Variants in MYO5A observed in about 807,000 individuals in gnomAD.
MYO5A encodes myosin VA.
MYO5A carries 98 observed loss-of-function variants against 249.7 expected under a neutral mutation model. The observed-to-expected ratio is 0.39, with a 90% CI of 0.33 to 0.46. MYO5A has a LOEUF of 0.46. Ranked by LOEUF, MYO5A falls within the 20% of genes least tolerant of loss-of-function variation. The pLI is 0.98. For missense variants in MYO5A, 1,696 were observed against 2,308.8 expected (o/e 0.73, Z 5.44); for synonymous variants, 778 against 810.6 (o/e 0.96, Z 0.68).
At chr15:52,329,384 G>C (rs1380939893) in intron 35 of MYO5A, among the ~76,000 whole-genome samples, 2 of 152,190 alleles carry the variant, frequency 1.3e-5, no homozygotes, top group African/African-American at 2.4e-5. Context: ...GCTGTGCAAA[G>C]GCTGAAAGGA....
chr15:52,512,796 T>C (rs1033041258), intron 1 of MYO5A, among the ~76,000 whole-genome samples: 16 of 152,138 alleles, frequency 1.1e-4, no homozygotes, highest in African/African-American at 3.9e-4. Context: ...CAATTATGTT[T>C]TAATATAAGT....
At chr15:52,341,571 A>T (rs777976872) in intron 31 of MYO5A, among the ~76,000 whole-genome samples, 45 of 152,234 alleles carry the variant, frequency 3.0e-4, no homozygotes, top group Non-Finnish European at 3.2e-4. Context: ...GTGAAGAAAG[A>T]AAAGACATTC....
chr15:52,338,183 C>T (rs1451346044), intron 32 of MYO5A, among the ~76,000 whole-genome samples: 1 of 151,324 alleles, frequency 6.6e-6, no homozygotes, highest in Non-Finnish European at 1.5e-5. Context: ...TGCCTTTTTA[C>T]TCCCAGCCTC....
intron 35 of MYO5A, among the ~76,000 whole-genome samples, chr15:52,328,628 T>A (rs1173333625): frequency 6.6e-6 from 1 of 152,222 alleles, no homozygotes; most frequent in Non-Finnish European, 1.5e-5. Context: ...CAGTACTGCA[T>A]TTTCCATACA....
In MYO5A at chr15:52,370,302, G is replaced by C. The variant is rs1005760412; in HGVS notation, c.2933C>G (p.Ala978Gly). Reference protein sequence around the residue: ...LERLQLSEEEAKVATGRVLSL... With the variant: ...LERLQLSEEEGKVATGRVLSL... ...AAGGACCCGCCCAGTGGCAACTTTC[G>C]CTTCCTCTTCACTTAGTTGAAGACG... Residue 978 changes from alanine (A) to glycine (G), a missense_variant, in exon 22 of 42, where the codon GCG (alanine) becomes GGG (glycine). Around this residue, in one of 5 missense-constraint regions of MYO5A, gnomAD observed 412 missense variants for 453.3 expected, o/e 0.91. Coordinates refer to ENST00000399233, the MANE Select transcript of MYO5A (RefSeq NM_001382347.1). 2 of 1,614,056 alleles carry C rather than the reference G, an allele frequency of 1.2e-6. No homozygotes were observed. The highest frequency in any genetic ancestry group is 8.5e-7 in the Non-Finnish European group (1 of 1,179,992).
At chr15:52,463,995 TAGAC>T (rs755461910) in intron 1 of MYO5A, among the ~76,000 whole-genome samples, 3 of 152,242 alleles carry the variant, frequency 2.0e-5, no homozygotes, top group Non-Finnish European at 4.4e-5. Context: ...GCTCTGGAGT[TAGAC>T]AGATCCAGAA....
chr15:52,371,088 G>A (rs1408113798), intron 21 of MYO5A, among the ~76,000 whole-genome samples: 1 of 151,672 alleles, frequency 6.6e-6, no homozygotes, highest in Non-Finnish European at 1.5e-5. Context: ...ACTTTAGCCT[G>A]GGTGACAGGG....
chr15:52,340,438 A>C lies in MYO5A; in HGVS notation c.4041-44T>G, dbSNP rs1372498787. ...GGTCGGAAGGGGAGACGACACCCCG[A>C]GTTGCTGCCTAACGGGTGTAAGGCA... On this transcript the variant is annotated intron_variant, in intron 31 of 41. Transcript: ENST00000399233. 7.0e-6 allele frequency: 11 copies of C among 1,571,492 alleles called. No individual in the cohort carries two copies. In the East Asian group the frequency reaches 2.5e-4, roughly 35 times the overall value.
At chr15:52,384,919 GA>G (rs963779748) in intron 14 of MYO5A, among the ~76,000 whole-genome samples, 3 of 151,880 alleles carry the variant, frequency 2.0e-5, no homozygotes, top group Non-Finnish European at 4.4e-5. Context: ...TCGGGTTACA[GA>G]AAAAAAAGTT....
At chr15:52,413,958 G>A (rs2043360445) in intron 5 of MYO5A, among the ~76,000 whole-genome samples, 1 of 152,116 alleles carries the variant, frequency 6.6e-6, no homozygotes, top group South Asian at 2.1e-4. Context: ...CTGTGGTTTG[G>A]ATATAACGTG....
Position 52,379,499 on chromosome 15 carries a change from C to A in MYO5A, c.2208+126G>T. On this transcript the variant is annotated intron_variant, in intron 18 of 41. Transcript: ENST00000399233. ...CCAGCATCCTAAACACAGTAGTGTGCCCCTCTCTGATCCCACCCCGAAATG... is the reference window on the plus strand; with the variant it reads ...CCAGCATCCTAAACACAGTAGTGTGACCCTCTCTGATCCCACCCCGAAATG... 3 of 797,752 alleles carry A rather than the reference C, an allele frequency of 3.8e-6. No homozygotes were observed. The East Asian group carries it at 7.7e-5, about 21-fold the overall frequency. The allele number at this position is 797,752 out of a possible 1,614,324, so 49.4% of individuals were successfully genotyped here.
intron 5 of MYO5A, among the ~76,000 whole-genome samples, chr15:52,413,372 G>A (rs918344689): frequency 6.6e-5 from 10 of 151,860 alleles, no homozygotes; most frequent in Non-Finnish European, 2.9e-5. Context: ...AGGAAAAAAT[G>A]AAAACATGAA....
At chr15:52,410,206 T>C (rs1417625373) in intron 6 of MYO5A, 127 bp downstream of exon 6, 3 of 1,121,836 alleles carry the variant, frequency 2.7e-6, no homozygotes, top group Admixed American at 3.4e-5. Flanking sequence ...AGTCCAAGTG[T>C]GGTTGGAGGT....
At chr15:52,466,691 C>T (rs1025984391) in intron 1 of MYO5A, among the ~76,000 whole-genome samples, 1 of 152,150 alleles carries the variant, frequency 6.6e-6, no homozygotes, top group African/African-American at 2.4e-5. Flanking sequence ...GTAGCCACTC[C>T]CATCAGGGTA....
At chr15:52,480,546 T>C (rs181701369) in intron 1 of MYO5A, among the ~76,000 whole-genome samples, 2 of 152,298 alleles carry the variant, frequency 1.3e-5, no homozygotes, top group Non-Finnish European at 2.9e-5. Flanking sequence ...TGAGGCCCTC[T>C]CTGGCTCCCC....
At chr15:52,440,233 T>C (rs188182731) in intron 1 of MYO5A, among the ~76,000 whole-genome samples, 1 of 151,984 alleles carries the variant, frequency 6.6e-6, no homozygotes, top group East Asian at 1.9e-4. Flanking sequence ...CAGCCTTGCA[T>C]GTTTAAGGAG....
chr15:52,353,543 C>T, intron 27 of MYO5A, 62 bp downstream of exon 27: 2 of 1,386,476 alleles, frequency 1.4e-6, no homozygotes. Flanking sequence ...AAAAGAGAGG[C>T]TCTGAATGGG....
chr15:52,472,058 C>T (rs929284778), intron 1 of MYO5A, among the ~76,000 whole-genome samples: 2 of 148,272 alleles, frequency 1.3e-5, no homozygotes, highest in East Asian at 2.0e-4. Flanking sequence ...TCGGCAGAAG[C>T]GTCTTCTCCT....
chr15:52,396,437 A>T (rs749532843), intron 10 of MYO5A, 40 bp from the exon 11 acceptor site: 7 of 1,198,734 alleles, frequency 5.8e-6, no homozygotes, highest in Non-Finnish European at 8.6e-6. Flanking sequence ...GAGAAAAGGA[A>T]CAAAAAGCTT....
Sources: allele counts gnomAD v4.1 joint callset (sites outside exome capture counted in the v4.1 genomes callset), GRCh38; gene constraint gnomAD v4.1.1; regional missense constraint gnomAD v4.1.1; transcripts MANE v1.5; gene names NCBI Gene and HGNC (gene_info 2026-07-23, HGNC 2026-07-21).